Variants in ABL1 observed in about 807,000 individuals in gnomAD.
The protein encoded by ABL1 is tyrosine-protein kinase ABL1.
In ABL1, 11 loss-of-function variants were observed where a neutral mutation model predicts 94.7. The observed-to-expected ratio is 0.12, with a 90% CI of 0.07 to 0.19. The LOEUF is 0.19. ABL1 is among the 10% of genes least tolerant of loss of function. The pLI is 1.00. For synonymous variants in ABL1, 656 were observed against 622.4 expected (o/e 1.05, Z -0.80); for missense variants, 1,082 against 1,489.4 (o/e 0.73, Z 4.50).
intron 1 of ABL1, among the ~76,000 whole-genome samples, chr9:130,852,376 C>G (rs1830882548): frequency 1.3e-5 from 2 of 151,882 alleles, no homozygotes; most frequent in Non-Finnish European, 2.9e-5. Context: ...CTAGTTTTTT[C>G]TATTTTAGTA....
chr9:130,786,460 T>A (rs1250778261), intron 1 of ABL1, among the ~76,000 whole-genome samples: 1 of 152,234 alleles, frequency 6.6e-6, no homozygotes, highest in Non-Finnish European at 1.5e-5. Context: ...CAGAACGCTC[T>A]CTTAGCAGTA....
At chr9:130,850,594 C>T (rs1361372179) in intron 1 of ABL1, among the ~76,000 whole-genome samples, 2 of 152,176 alleles carry the variant, frequency 1.3e-5, no homozygotes, top group African/African-American at 2.4e-5. Context: ...ACAACCTCTG[C>T]CTCCTGTGTT....
At chr9:130,812,923 G>A (rs1325274102) in intron 1 of ABL1, among the ~76,000 whole-genome samples, 1 of 152,218 alleles carries the variant, frequency 6.6e-6, no homozygotes. Context: ...CATTTTAAAA[G>A]CCTCAGTAGA....
intron 8 of ABL1, among the ~76,000 whole-genome samples, chr9:130,879,276 A>G (rs1404563961): frequency 6.6e-6 from 1 of 152,224 alleles, no homozygotes; most frequent in East Asian, 1.9e-4. Context: ...AGGTATTTAT[A>G]TGGCCATTTC....
intron 1 of ABL1, among the ~76,000 whole-genome samples, chr9:130,812,037 A>G (rs1830216375): frequency 6.6e-6 from 1 of 151,570 alleles, no homozygotes; most frequent in Non-Finnish European, 1.5e-5. Context: ...AACAAAGAGC[A>G]AGATGGTAGG....
intron 1 of ABL1, among the ~76,000 whole-genome samples, chr9:130,829,198 C>G (rs1192134520): frequency 6.6e-6 from 1 of 152,112 alleles, no homozygotes; most frequent in Non-Finnish European, 1.5e-5. Flanking sequence ...TTTAGACATG[C>G]ACCCTCCCTC....
chr9:130,800,965 G>T (rs1326038748), intron 1 of ABL1, among the ~76,000 whole-genome samples: 1 of 139,354 alleles, frequency 7.2e-6, no homozygotes, highest in African/African-American at 2.7e-5. Flanking sequence ...CAGTCTCTCT[G>T]TGTCGCCCAG....
At chr9:130,840,177 GC>G (rs1333214924) in intron 1 of ABL1, among the ~76,000 whole-genome samples, 2 of 152,218 alleles carry the variant, frequency 1.3e-5, no homozygotes, top group African/African-American at 4.8e-5. Flanking sequence ...ACAGAATTCA[GC>G]CAATCCCACC....
intron 1 of ABL1, among the ~76,000 whole-genome samples, chr9:130,851,612 C>G (rs1034743191): frequency 6.6e-6 from 1 of 151,832 alleles, no homozygotes; most frequent in African/African-American, 2.4e-5. Flanking sequence ...ATCAGTCCCA[C>G]CCCTGAGATG....
intron 1 of ABL1, chr9:130,724,916 C>T (rs1054626252): frequency 5.2e-6 from 2 of 386,328 alleles, no homozygotes; most frequent in Admixed American, 2.7e-5. Flanking sequence ...AGTCATACTT[C>T]CTCTTGCGCT....
At chr9:130,732,232 G>A (rs564400706) in intron 1 of ABL1, among the ~76,000 whole-genome samples, 8 of 152,214 alleles carry the variant, frequency 5.3e-5, no homozygotes, top group African/African-American at 1.9e-4. Flanking sequence ...TCAGTCTGGG[G>A]TAAGAGAGCC....
At chr9:130,715,001 G>A (rs1022264515) in intron 1 of ABL1, among the ~76,000 whole-genome samples, 1 of 152,102 alleles carries the variant, frequency 6.6e-6, no homozygotes, top group African/African-American at 2.4e-5. Context: ...AAATCAAGTG[G>A]GGAAGCAGCA....
At chr9:130,842,274 G>A (rs1376155795) in intron 1 of ABL1, among the ~76,000 whole-genome samples, 1 of 152,112 alleles carries the variant, frequency 6.6e-6, no homozygotes, top group African/African-American at 2.4e-5. Context: ...TCATAATAGA[G>A]TCTACGTAAT....
chr9:130,722,847 A>C (rs539647232), intron 1 of ABL1, among the ~76,000 whole-genome samples: 1 of 152,382 alleles, frequency 6.6e-6, no homozygotes, highest in African/African-American at 2.4e-5. Flanking sequence ...GTTTTACTTC[A>C]TTTAAATGAA....
chr9:130,812,958 A>G (rs1208528393), intron 1 of ABL1, among the ~76,000 whole-genome samples: 1 of 152,250 alleles, frequency 6.6e-6, no homozygotes, highest in Non-Finnish European at 1.5e-5. Flanking sequence ...TCACGCCTGT[A>G]ATCCCAGCAC....
chr9:130,784,981 CT>C (rs1242650146), intron 1 of ABL1, among the ~76,000 whole-genome samples: 2 of 152,232 alleles, frequency 1.3e-5, no homozygotes, highest in Non-Finnish European at 2.9e-5. Context: ...GCCCCAGTGC[CT>C]TCCCTTCAAC....
intron 1 of ABL1, among the ~76,000 whole-genome samples, chr9:130,754,808 A>G (rs928929612): frequency 6.6e-6 from 1 of 152,144 alleles, no homozygotes; most frequent in Non-Finnish European, 1.5e-5. Flanking sequence ...GCTTTTAACA[A>G]GCGGACTAGG....
At chr9:130,839,637 G>C (rs1378829710) in intron 1 of ABL1, among the ~76,000 whole-genome samples, 1 of 152,184 alleles carries the variant, frequency 6.6e-6, no homozygotes, top group Non-Finnish European at 1.5e-5. Context: ...GGAGATCCCA[G>C]TTTTCCTCTG....
chr9:130,800,010 C>G (rs1425428542), intron 1 of ABL1, among the ~76,000 whole-genome samples: 1 of 151,892 alleles, frequency 6.6e-6, no homozygotes, highest in Non-Finnish European at 1.5e-5. Context: ...GTAGCTAGGA[C>G]TACAGGCACC....
Sources: gnomAD v4.1 joint callset for allele counts (sites outside exome capture counted in the v4.1 genomes callset) on GRCh38, gnomAD v4.1.1 for gene constraint, MANE v1.5 for transcripts, NCBI Gene and HGNC (gene_info 2026-07-23, HGNC 2026-07-21) for gene names.